DIP2B: variants seen among roughly 807,000 people sequenced by gnomAD.
The protein encoded by DIP2B is DIP2 acetate--CoA ligase B (putative).
Under a neutral mutation model 198.0 loss-of-function variants are expected in DIP2B, and 76 were observed. The ratio of observed to expected loss-of-function variants is 0.38; its 90% CI spans 0.32 to 0.46. The LOEUF is 0.46. DIP2B is among the 20% of genes least tolerant of loss of function. The pLI is 0.99. For synonymous variants in DIP2B, 701 were observed against 739.1 expected, an observed-to-expected ratio of 0.95 and a Z score of 0.84; for missense variants, 1,559 against 1,978.4, an observed-to-expected ratio of 0.79 and a Z score of 4.02.
intron 1 of DIP2B, among the ~76,000 whole-genome samples, chr12:50,557,227 T>C (rs1321377617): frequency 6.6e-6 from 1 of 152,234 alleles, no homozygotes; most frequent in Non-Finnish European, 1.5e-5. Flanking sequence ...TTATAGGACT[T>C]GAAGAAGCAA....
intron 3 of DIP2B, chr12:50,655,156 C>T (rs1007797200): frequency 2.8e-6 from 1 of 360,716 alleles, no homozygotes; most frequent in African/African-American, 2.1e-5. Context: ...GTTGAATAAA[C>T]TGTGTACAGT....
rs971214767 is a variant in DIP2B, at chr12:50,505,250, G to C, written c.100+10G>C. 2 of 1,494,432 alleles carry C rather than the reference G, an allele frequency of 1.3e-6. No homozygotes were observed. Among genetic ancestry groups the C allele is most frequent in the African/African-American group, 2.9e-5 (2 of 68,506 alleles). 92.6% of individuals were successfully genotyped at this position (1,494,432 alleles called of 1,614,324 possible). A position where few individuals can be genotyped will look rare whatever the true frequency, so the allele number is the denominator to read the frequency against. ...CTGGAGCTCTCGGAGGGTAGGAGCC[G>C]GGCCGGGGAGAGGGCGCCCGGGGCC... On this transcript the variant is annotated intron_variant, in intron 1 of 37. Coordinates refer to ENST00000301180, the MANE Select transcript of DIP2B (RefSeq NM_173602.3).
At position 50,745,225 on chromosome 12, in the gene DIP2B, T is replaced by C. The variant is rs1185095261; in HGVS notation, c.*386T>C. The C allele has an allele frequency of 2.3e-5, 5 of 218,240 alleles. No homozygotes were observed. The highest frequency in any genetic ancestry group is 1.6e-4 in the Admixed American group (3 of 19,200). 13.5% of individuals were successfully genotyped at this position (218,240 alleles called of 1,614,324 possible). A position where few individuals can be genotyped will look rare whatever the true frequency, so the allele number is the denominator to read the frequency against. On this transcript the variant is annotated 3_prime_UTR_variant, in exon 38 of 38. Coordinates refer to ENST00000301180, the MANE Select transcript of DIP2B (RefSeq NM_173602.3). Reference sequence around the variant, plus strand: ...AGTGACACAGTTCCCCACTCCGTACTGTATTTTGCCATTCTGCCGTAGCTA... The same window carrying C: ...AGTGACACAGTTCCCCACTCCGTACCGTATTTTGCCATTCTGCCGTAGCTA...
chr12:50,634,105 G>A (rs892421538), intron 2 of DIP2B, among the ~76,000 whole-genome samples: 1 of 152,168 alleles, frequency 6.6e-6, no homozygotes, highest in Non-Finnish European at 1.5e-5. Flanking sequence ...TGAAAGGAAT[G>A]GCCCACAGAA....
At chr12:50,571,170 CTTTT>C (rs71083599) in intron 1 of DIP2B, among the ~76,000 whole-genome samples, 1 of 126,900 alleles carries the variant, frequency 7.9e-6, no homozygotes. Context: ...TTGGCAGCCT[CTTTT>C]TTTTTTTTTT....
chr12:50,596,602 A>C (rs1346464918), intron 1 of DIP2B, among the ~76,000 whole-genome samples: 3 of 152,198 alleles, frequency 2.0e-5, no homozygotes, highest in African/African-American at 7.2e-5. Flanking sequence ...GCCGTCACTG[A>C]CACTTGTAAT....
chr12:50,614,542 A>G (rs1215093339), intron 1 of DIP2B, among the ~76,000 whole-genome samples: 1 of 152,130 alleles, frequency 6.6e-6, no homozygotes, highest in East Asian at 1.9e-4. Context: ...TTGACTTGCC[A>G]TATGTAACAG....
chr12:50,561,306 T>G (rs893625848), intron 1 of DIP2B, among the ~76,000 whole-genome samples: 1 of 152,234 alleles, frequency 6.6e-6, no homozygotes, highest in Non-Finnish European at 1.5e-5. Context: ...GTAGTCTACA[T>G]TTGTCATAAT....
chr12:50,698,459 T>C lies in DIP2B; in HGVS notation c.2180T>C (p.Met727Thr), dbSNP rs775960368. The C allele has an allele frequency of 6.2e-7, 1 of 1,612,270 alleles. No individual in the cohort carries two copies. Among genetic ancestry groups the C allele is most frequent in the Non-Finnish European group, 8.5e-7 (1 of 1,179,210 alleles). Residue 727 changes from methionine to threonine, a missense_variant, in exon 18 of 38, where the codon ATG (methionine) becomes ACG (threonine). Coordinates refer to ENST00000301180, the MANE Select transcript of DIP2B (RefSeq NM_173602.3). ...ACGGTCCAGGATGTAGGGCATGTAA[T>C]GCCTGGTGGTGAGTCGCAAGGAGCA... is the stretch of plus-strand genomic sequence containing the variant. ...ALTVQDVGHV[M>T]PGGMMCIVKP... is the part of the protein sequence containing the mutation.
chr12:50,528,176 C>G (rs1467338784), intron 1 of DIP2B, among the ~76,000 whole-genome samples: 1 of 151,682 alleles, frequency 6.6e-6, no homozygotes, highest in Non-Finnish European at 1.5e-5. Context: ...ATCTGCCCAC[C>G]TCAGCCTTCC....
intron 34 of DIP2B, 138 bp from the exon 35 acceptor site, chr12:50,736,898 G>T: frequency 4.1e-6 from 3 of 729,008 alleles, no homozygotes; most frequent in Non-Finnish European, 7.2e-6. Context: ...TCCCCTCAGG[G>T]TAGCTGCTGT....
At chr12:50,609,637 T>C (rs937470424) in intron 1 of DIP2B, among the ~76,000 whole-genome samples, 1 of 152,240 alleles carries the variant, frequency 6.6e-6, no homozygotes, top group African/African-American at 2.4e-5. Flanking sequence ...TTTCTGTTGA[T>C]ATCACATTGG....
chr12:50,728,020 G>C (rs772887505), intron 29 of DIP2B, among the ~76,000 whole-genome samples: 5 of 152,206 alleles, frequency 3.3e-5, no homozygotes, highest in Non-Finnish European at 7.3e-5. Flanking sequence ...TCTGAACCTA[G>C]CATAGAAGCT....
At chr12:50,732,869 A>G (rs946218391) in intron 32 of DIP2B, among the ~76,000 whole-genome samples, 21 of 151,236 alleles carry the variant, frequency 1.4e-4, no homozygotes, top group African/African-American at 4.6e-4. Flanking sequence ...TTTGAGTCCT[A>G]TTTGGATTTT....
chr12:50,727,660 C>A, intron 28 of DIP2B, 43 bp from the exon 29 acceptor site: 3 of 1,546,252 alleles, frequency 1.9e-6, no homozygotes, highest in South Asian at 1.1e-5. Context: ...TTTTCATGTT[C>A]CAGCATGTTG....
chr12:50,721,131 G>A (rs1295882817), intron 25 of DIP2B, 142 bp from the exon 26 acceptor site: 1 of 1,290,224 alleles, frequency 7.8e-7, no homozygotes, highest in Non-Finnish European at 1.0e-6. Context: ...GATGCTAAGG[G>A]AATTTTCACT....
intron 12 of DIP2B, chr12:50,686,931 G>T: frequency 2.8e-6 from 1 of 354,108 alleles, no homozygotes; most frequent in Non-Finnish European, 5.1e-6. Context: ...AGTTACAAAA[G>T]ACTTTAGGGA....
chr12:50,652,632 A>C (rs1487850227), intron 3 of DIP2B, among the ~76,000 whole-genome samples: 1 of 152,066 alleles, frequency 6.6e-6, no homozygotes, highest in Non-Finnish European at 1.5e-5. Flanking sequence ...AAAGTTTAGA[A>C]TTGTTTTTTC....
chr12:50,661,803 A>T (rs916004371), intron 4 of DIP2B, among the ~76,000 whole-genome samples: 2 of 152,222 alleles, frequency 1.3e-5, no homozygotes, highest in Non-Finnish European at 2.9e-5. Flanking sequence ...GCAGCATGAC[A>T]TGTAGTTCTT....
Sources: allele counts gnomAD v4.1 joint callset (sites outside exome capture counted in the v4.1 genomes callset), GRCh38; gene constraint gnomAD v4.1.1; transcripts MANE v1.5; gene names NCBI Gene and HGNC (gene_info 2026-07-23, HGNC 2026-07-21).